Variants in DOK7 observed in about 807,000 individuals in gnomAD.
DOK7 encodes protein Dok-7.
Under a neutral mutation model 30.7 loss-of-function variants are expected in DOK7, and 32 were observed. The observed-to-expected ratio is 1.04, with a 90% CI of 0.79 to 1.40. DOK7 has a LOEUF of 1.40. Among genes scored for constraint, DOK7 ranks in the 40% most tolerant of loss-of-function variants. The pLI is 0.00. For missense variants in DOK7, 1,007 were observed against 699.2 expected (o/e 1.44, Z -4.97); for synonymous variants, 447 against 324.1 (o/e 1.38, Z -4.07).
intron 2 of DOK7, among the ~76,000 whole-genome samples, chr4:3,468,464 GTA>G (rs1382535374): frequency 2.6e-5 from 4 of 151,836 alleles, no homozygotes; most frequent in African/African-American, 4.8e-5. Context: ...GTGTGTGCAT[GTA>G]TGTGTGCCTC....
chr4:3,466,112 G>GT (rs534865329), intron 2 of DOK7, among the ~76,000 whole-genome samples: 182 of 151,852 alleles, frequency 1.2e-3, no homozygotes, highest in African/African-American at 4.3e-3. Context: ...AGTCACCATG[G>GT]TGGGGGGAAG....
intron 4 of DOK7, among the ~76,000 whole-genome samples, chr4:3,478,977 T>G (rs1392765596): frequency 6.6e-6 from 1 of 152,054 alleles, no homozygotes; most frequent in African/African-American, 2.4e-5. Flanking sequence ...GCAACTCGGG[T>G]GGTCCAGGGG....
At chr4:3,484,635 G>A in intron 4 of DOK7, 28 of 985,512 alleles carry the variant, frequency 2.8e-5, no homozygotes, top group Non-Finnish European at 3.3e-5. Flanking sequence ...GGTGGCGGCT[G>A]CATCGCTCTG....
At chr4:3,501,230 C>G (rs1245825123) in exon 8 of DOK7, 1 of 194,718 alleles carries the variant, frequency 5.1e-6, no homozygotes, top group Non-Finnish European at 1.1e-5. Flanking sequence ...CAGCCGTGTC[C>G]TGGCAAAATG....
At chr4:3,463,456 GGGGGGGC>G (rs1726083721) in intron 1 of DOK7, 27 bp downstream of exon 1, 4 of 1,421,588 alleles carry the variant, frequency 2.8e-6, no homozygotes, top group Non-Finnish European at 2.7e-6. Context: ...GGCGCGGGGG[GGGGGGGC>G]GCGGGCGCGG....
At position 3,492,889 on chromosome 4, in the gene DOK7, A is replaced by C. The variant is rs145040126; in HGVS notation, c.903A>C (p.Pro301=). The C allele has an allele frequency of 6.3e-5, 101 of 1,597,256 alleles. No individual in the cohort carries two copies. Among genetic ancestry groups the C allele is most frequent in the Non-Finnish European group, 8.1e-5 (95 of 1,174,016 alleles). Reference sequence around the variant, plus strand: ...GCACGTCACAGGAGGGGCCTAGACCAGCAGCTGCCCAGGCCGCCGGGGAAG... The same window carrying C: ...GCACGTCACAGGAGGGGCCTAGACCCGCAGCTGCCCAGGCCGCCGGGGAAG... ...SASTSQEGPR[P]AAAQAAGEAM... Residue 301 remains proline (P), a synonymous_variant, in exon 7 of 7, where the codon CCA becomes CCC. Coordinates refer to ENST00000340083, the MANE Select transcript of DOK7 (RefSeq NM_173660.5).
At chr4:3,469,227 G>A (rs1231250712) in intron 2 of DOK7, among the ~76,000 whole-genome samples, 3 of 152,024 alleles carry the variant, frequency 2.0e-5, no homozygotes, top group Non-Finnish European at 2.9e-5. Context: ...GTGAGTGTGC[G>A]TGTGTGCCTG....
At chr4:3,492,493 G>A (rs978495922) in intron 6 of DOK7, among the ~76,000 whole-genome samples, 4 of 152,128 alleles carry the variant, frequency 2.6e-5, no homozygotes, top group African/African-American at 9.7e-5. Context: ...CCAAGGTAGT[G>A]GCAGGGGTGC....
rs757858878 is a variant in DOK7, at chr4:3,493,026, C to A, written c.1040C>A (p.Ser347Tyr). The stretch of plus-strand genomic sequence containing the variant: ...GGCATCGCCACTGGCAGCCACTCCT[C>A]TTACTCCAGCAGCCTCTCGTCCTAC... ...DSGIATGSHS[S>Y]YSSSLSSYAG... The change falls in exon 7 of 7, where the codon TCT (serine) becomes TAT (tyrosine). Residue 347 changes from serine to tyrosine, a missense_variant. Coordinates refer to ENST00000340083, the MANE Select transcript of DOK7 (RefSeq NM_173660.5). 30 of 1,570,104 alleles carry A rather than the reference C, an allele frequency of 1.9e-5. No homozygotes were observed. The East Asian group carries it at 6.7e-4, about 35-fold the overall frequency.
intron 4 of DOK7, among the ~76,000 whole-genome samples, chr4:3,477,884 A>G (rs1727199183): frequency 6.6e-6 from 1 of 152,160 alleles, no homozygotes; most frequent in Admixed American, 6.5e-5. Flanking sequence ...TCGGGGTCCC[A>G]TCTGCCCCCA....
chr4:3,465,335 C>T (rs928921096), intron 2 of DOK7, among the ~76,000 whole-genome samples: 14 of 152,206 alleles, frequency 9.2e-5, no homozygotes, highest in Non-Finnish European at 1.6e-4. Flanking sequence ...GATGCTGCCC[C>T]CTTTGCCTTC....
In DOK7 at chr4:3,493,724, G is replaced by C. The variant is rs952054430; in HGVS notation, c.*223G>C. The C allele has an allele frequency of 1.8e-5, 25 of 1,423,562 alleles. No individual in the cohort carries two copies. The highest frequency in any genetic ancestry group is 2.6e-4 in the Middle Eastern group (1 of 3,834). 88.2% of individuals were successfully genotyped at this position (1,423,562 alleles called of 1,614,324 possible). On this transcript the variant is annotated 3_prime_UTR_variant, in exon 7 of 7. Coordinates refer to ENST00000340083, the MANE Select transcript of DOK7 (RefSeq NM_173660.5). ...GAAGGCAGGGGCTCTGGGTCCGGCA[G>C]GTCGGGGTCACCAGAGCCCCAATGC... is the stretch of plus-strand genomic sequence containing the variant.
rs904915770 is a variant in DOK7 at position 3,493,666 on chromosome 4, G to C, written c.*165G>C. ...AGGGCGCGCCCTGTGGCTGCCACCG[G>C]AGGAAGGGGCTGACTTGGGGAGGTG... On this transcript the variant is annotated 3_prime_UTR_variant, in exon 7 of 7. Coordinates refer to ENST00000340083, the MANE Select transcript of DOK7 (RefSeq NM_173660.5). 6.2e-6 allele frequency: 9 copies of C among 1,454,574 alleles called. No homozygotes were observed. The African/African-American group carries it at 7.2e-5, about 12-fold the overall frequency. 90.1% of individuals were successfully genotyped at this position (1,454,574 alleles called of 1,614,324 possible). A position where few individuals can be genotyped will look rare whatever the true frequency, so the allele number is the denominator to read the frequency against.
rs559555417 is a variant in DOK7 at position 3,500,699 on chromosome 4, C to T, written c.1269C>T (p.Gly423=). 193 of 1,535,788 alleles carry T rather than the reference C, an allele frequency of 1.3e-4. No homozygotes were observed. In the African/African-American group the frequency reaches 2.2e-3, roughly 18 times the overall value. Reference sequence around the variant, plus strand: ...ACTACAGAATTCTTTCAGGGGCTGGCGCCTCCCTCTACGCCCAGATCGACA... The same window carrying T: ...ACTACAGAATTCTTTCAGGGGCTGGTGCCTCCCTCTACGCCCAGATCGACA... Residue 423 remains glycine (G), a synonymous_variant, in exon 8 of 8, where the codon GGC becomes GGT. Transcript: ENST00000643608.
chr4:3,494,374 A>G lies in DOK7; in HGVS notation c.*873A>G, dbSNP rs1169914932. 1 of 985,392 alleles carries G rather than the reference A, an allele frequency of 1.0e-6. No homozygotes were observed. The highest frequency in any genetic ancestry group is 1.2e-6 in the Non-Finnish European group (1 of 829,972). The allele number at this position is 985,392 out of a possible 1,614,324, so 61.0% of individuals were successfully genotyped here. A position where few individuals can be genotyped will look rare whatever the true frequency, so the allele number is the denominator to read the frequency against. ...CTTGCACAGCCTGGAGCCTGCCCTG[A>G]CCACAGCCCAGCAGCTCCCTGTGAA... On this transcript the variant is annotated 3_prime_UTR_variant, in exon 7 of 7. Coordinates refer to ENST00000340083, the MANE Select transcript of DOK7 (RefSeq NM_173660.5).
intron 4 of DOK7, among the ~76,000 whole-genome samples, chr4:3,480,951 C>T (rs2699434): frequency 0.46 from 70,317 of 151,890 alleles, 17,135 homozygotes; most frequent in African/African-American, 0.6. Flanking sequence ...TCTGGAGGGG[C>T]GAGCCTCAGG....
chr4:3,488,981 G>A (rs1217374689), intron 5 of DOK7, among the ~76,000 whole-genome samples: 2 of 152,216 alleles, frequency 1.3e-5, no homozygotes, highest in African/African-American at 4.8e-5. Flanking sequence ...GCTGAGGCTC[G>A]CAGCAGCGGT....
chr4:3,497,820 G>A (rs928683571), downstream of DOK7, among the ~76,000 whole-genome samples: 6 of 152,154 alleles, frequency 3.9e-5, no homozygotes, highest in Admixed American at 6.5e-5. Flanking sequence ...GCTGGACACC[G>A]ATCCCTGCAG....
At chr4:3,495,361 G>C (rs1054276676), downstream of DOK7, among the ~76,000 whole-genome samples, 1 of 152,206 alleles carries the variant, frequency 6.6e-6, no homozygotes. Context: ...GTGTTCCCAC[G>C]GGTCGCCTGC....
Sources: gnomAD v4.1 joint callset for allele counts (sites outside exome capture counted in the v4.1 genomes callset) on GRCh38, gnomAD v4.1.1 for gene constraint, MANE v1.5 for transcripts, NCBI Gene and HGNC (gene_info 2026-07-23, HGNC 2026-07-21) for gene names.